DSG4: variants seen among roughly 807,000 people sequenced by gnomAD.
The protein encoded by DSG4 is desmoglein-4.
A neutral mutation model predicts 93.1 loss-of-function variants in DSG4; 87 were observed. The ratio of observed to expected loss-of-function variants is 0.93; its 90% confidence interval spans 0.79 to 1.12. DSG4 has a LOEUF of 1.12. Ranked by LOEUF, DSG4 falls within the 50% of genes most tolerant of loss-of-function variation. DSG4 has a pLI of 0.00. For synonymous variants in DSG4, 432 were observed against 452.9 expected (o/e 0.95, Z 0.59); for missense variants, 1,373 against 1,285.7 (o/e 1.07, Z -1.04).
At chr18:31,407,797 T>C (rs934493717) in intron 12 of DSG4, among the ~76,000 whole-genome samples, 2 of 152,202 alleles carry the variant, frequency 1.3e-5, no homozygotes, top group Admixed American at 6.5e-5. Flanking sequence ...AATTGAGTAG[T>C]GGTTTCGGGT....
intron 7 of DSG4, 146 bp downstream of exon 7, chr18:31,391,358 C>A: frequency 9.6e-7 from 1 of 1,042,378 alleles, no homozygotes. Flanking sequence ...TTTGGAATTT[C>A]TTATGTATAC....
chr18:31,406,198 C>T lies in DSG4; in HGVS notation c.1758C>T (p.Ala586=). 1 of 1,614,140 alleles carries T rather than the reference C, an allele frequency of 6.2e-7. No homozygotes were observed. Among genetic ancestry groups the T allele is most frequent in the Non-Finnish European group, 8.5e-7 (1 of 1,180,034 alleles). The change falls in exon 12 of 16, where the codon GCC becomes GCT. Residue 586 remains alanine, a synonymous_variant. Transcript: ENST00000308128. ...CELAQMVQLY[A]CDCDDNHMCL... is the part of the protein sequence containing the mutation. ...TGGCACAAATGGTGCAGTTATATGC[C>T]TGTGATTGCGATGACAACCACATGT...
At chr18:31,390,217 T>A (rs1366077282) in intron 5 of DSG4, among the ~76,000 whole-genome samples, 1 of 152,174 alleles carries the variant, frequency 6.6e-6, no homozygotes, top group Admixed American at 6.6e-5. Context: ...AAGTGGCAAT[T>A]AAGAATATAG....
At position 31,409,409 on chromosome 18, in the gene DSG4, C is replaced by T. The variant is rs367594794; in HGVS notation, c.1934-43C>T. The T allele has an allele frequency of 1.2e-4, 195 of 1,613,252 alleles. 1 individual carries two copies. In the African/African-American group the frequency reaches 2.2e-3, roughly 18 times the overall value. ...TGATTCATCCAGTGACTTCCTAAACCGAGCAATGTGTGTTAACTCGACATT... is the reference window on the plus strand; with the variant it reads ...TGATTCATCCAGTGACTTCCTAAACTGAGCAATGTGTGTTAACTCGACATT... On this transcript the variant is annotated intron_variant, in intron 12 of 15. Coordinates refer to ENST00000308128, the MANE Select transcript of DSG4 (RefSeq NM_177986.5).
At chr18:31,379,943 A>G (rs538069117) in intron 1 of DSG4, among the ~76,000 whole-genome samples, 1 of 152,338 alleles carries the variant, frequency 6.6e-6, no homozygotes, top group South Asian at 2.1e-4. Context: ...CTTATTACAG[A>G]AAGAATGTAC....
intron 11 of DSG4, among the ~76,000 whole-genome samples, chr18:31,405,569 T>A (rs1459150806): frequency 4.9e-5 from 7 of 143,548 alleles, no homozygotes; most frequent in Non-Finnish European, 1.1e-4. Context: ...TTATAAATGT[T>A]AAAAAAAAAA....
rs926866321 is a variant in DSG4, at chr18:31,414,463, T to A, written c.*868T>A. ...GAGCTTTCAATTGGCAACCAGATAT[T>A]CTCCAAAAGCACTCTGTAGTTATTC... On this transcript the variant is annotated 3_prime_UTR_variant, in exon 16 of 16. Coordinates refer to ENST00000308128, the MANE Select transcript of DSG4 (RefSeq NM_177986.5). The A allele has an allele frequency of 6.6e-6, 1 of 152,200 alleles. No individual in the cohort carries two copies. The highest frequency in any genetic ancestry group is 1.5e-5 in the Non-Finnish European group (1 of 68,028). 9.4% of individuals were successfully genotyped at this position (152,200 alleles called of 1,614,324 possible).
rs767429901 is a variant in DSG4, at chr18:31,388,316, A to G, written c.217-51A>G. The G allele has an allele frequency of 3.1e-6, 5 of 1,603,408 alleles. No individual in the cohort carries two copies. The South Asian group carries it at 5.5e-5, about 18-fold the overall frequency. On this transcript the variant is annotated intron_variant, in intron 3 of 15. Transcript: ENST00000308128. Reference sequence around the variant, plus strand: ...TCCCTTCTTATTCCACTACACTCTTAAGCATTATCTGCTCTAAACTGGATC... The same window carrying G: ...TCCCTTCTTATTCCACTACACTCTTGAGCATTATCTGCTCTAAACTGGATC...
chr18:31,413,068 A>G lies in DSG4; in HGVS notation c.2596A>G (p.Thr866Ala), dbSNP rs751968115. The change falls in exon 16 of 16, where the codon ACT (threonine) becomes GCT (alanine). Residue 866 changes from threonine to alanine, a missense_variant. Coordinates refer to ENST00000308128, the MANE Select transcript of DSG4 (RefSeq NM_177986.5). ...PSHQACIPIS[T>A]DLPLLGPNYF... ...ACACCAGGCTTGTATACCAATCAGT[A>G]CTGACCTCCCTTTGCTCGGACCTAA... 5.6e-6 allele frequency: 9 copies of G among 1,614,192 alleles called. No homozygotes were observed. Among genetic ancestry groups the G allele is most frequent in the Non-Finnish European group, 4.2e-6 (5 of 1,180,038 alleles).
Position 31,411,350 on chromosome 18 carries a change from T to G in DSG4, c.2257T>G (p.Ser753Ala). Residue 753 changes from serine to alanine, a missense_variant, in exon 15 of 16, where the codon TCA becomes GCA. Ser to Ala is a moderately conservative substitution (Grantham distance 99). Transcript: ENST00000308128. ...GLMAAGAAGASGAARKRSSTM... is the reference protein window; with the variant it reads ...GLMAAGAAGAAGAARKRSSTM... ...CATGGCCGCAGGGGCCGCAGGAGCC[T>G]CAGGGGCCGCAAGGAAGAGGAGCTC... The G allele has an allele frequency of 1.2e-6, 2 of 1,613,892 alleles. No homozygotes were observed. The highest frequency in any genetic ancestry group is 8.5e-7 in the Non-Finnish European group (1 of 1,179,990).
rs1397755671 is a variant in DSG4 at position 31,413,464 on chromosome 18, G to A, written c.2992G>A (p.Gly998Arg). ...TGTGATGAGCGGCAATATTTTAGTA[G>A]GGCCAGAAATTCAAGTGATGCAAAT... ...GPVMSGNILV[G>R]PEIQVMQMMS... Residue 998 changes from glycine (G) to arginine (R), a missense_variant, in exon 16 of 16, where the codon GGG becomes AGG. Transcript: ENST00000308128. 5.6e-6 allele frequency: 9 copies of A among 1,611,912 alleles called. No individual in the cohort carries two copies. Among genetic ancestry groups the A allele is most frequent in the Non-Finnish European group, 7.6e-6 (9 of 1,178,346 alleles).
At position 31,391,190 on chromosome 18, in the gene DSG4, TC is replaced by T. The variant is rs746430548; in HGVS notation, c.801del (p.Thr268ProfsTer2). The stretch of plus-strand genomic sequence containing the variant: ...AAGGTTTTAGACGTCAACGATAATT[TC>T]CCCACCTTAGAGAAAACTTCAGTAA... ...RIKVLDVNDN[F>X]PTLEKTSYSA... is the part of the protein sequence containing the mutation. On this transcript the variant is annotated frameshift_variant, in exon 7 of 16. Transcript: ENST00000308128. LOFTEE classifies it high-confidence loss of function. 25 of 1,613,538 alleles carry T rather than the reference TC, an allele frequency of 1.5e-5. No individual in the cohort carries two copies. The highest frequency in any genetic ancestry group is 1.8e-5 in the Non-Finnish European group (21 of 1,179,674).
chr18:31,409,613 A>G lies in DSG4; in HGVS notation c.2073+22A>G, dbSNP rs763820952. 15 of 1,614,254 alleles carry G rather than the reference A, an allele frequency of 9.3e-6. No individual in the cohort carries two copies. The Admixed American group carries it at 1.7e-4, about 18-fold the overall frequency. On this transcript the variant is annotated intron_variant, in intron 13 of 15. Transcript: ENST00000308128. ...CAGGGTAAGTGGACTGTCACTCTCC[A>G]GAGAAGTGTGGAGTTTCAGTGGAAA...
intron 5 of DSG4, among the ~76,000 whole-genome samples, chr18:31,389,923 C>T (rs1598739221): frequency 1.3e-5 from 2 of 152,096 alleles, no homozygotes; most frequent in African/African-American, 2.4e-5. Flanking sequence ...CATCAACACA[C>T]CTCAAAACAA....
rs1480998494 is a variant in DSG4 at position 31,390,808 on chromosome 18, T to A, written c.670T>A (p.Phe224Ile). ...TGGAGAAGTCTGCACCATGTCCAGTTTCTTGGACAGAGAGGTAAAGCCTTC... is the reference window on the plus strand; with the variant it reads ...TGGAGAAGTCTGCACCATGTCCAGTATCTTGGACAGAGAGGTAAAGCCTTC... ...YTGEVCTMSSFLDREQHSMYN... is the reference protein window; with the variant it reads ...YTGEVCTMSSILDREQHSMYN... The change falls in exon 6 of 16, where the codon TTC (phenylalanine) becomes ATC (isoleucine). Residue 224 changes from phenylalanine (F) to isoleucine (I), a missense_variant. Physicochemically the swap from Phe to Ile is conservative, Grantham distance 21. Coordinates refer to ENST00000308128, the MANE Select transcript of DSG4 (RefSeq NM_177986.5). 3 of 1,613,404 alleles carry A rather than the reference T, an allele frequency of 1.9e-6. No individual in the cohort carries two copies. In the African/African-American group the frequency reaches 4.0e-5, roughly 22 times the overall value.
At chr18:31,409,887 C>A in intron 14 of DSG4, 79 bp downstream of exon 14, 1 of 1,506,774 alleles carries the variant, frequency 6.6e-7, no homozygotes, top group South Asian at 1.1e-5. Flanking sequence ...GTAAAAGTAC[C>A]TTATGGAAAA....
rs777567076 is a variant in DSG4 at position 31,411,371 on chromosome 18, A to T, written c.2278A>T (p.Ser760Cys). 1 of 1,613,962 alleles carries T rather than the reference A, an allele frequency of 6.2e-7. No homozygotes were observed. Among genetic ancestry groups the T allele is most frequent in the Non-Finnish European group, 8.5e-7 (1 of 1,180,000 alleles). Residue 760 changes from serine to cysteine, a missense_variant, in exon 15 of 16, where the codon AGC becomes TGC. By Grantham distance (112) the Ser-to-Cys change is moderately radical. Coordinates refer to ENST00000308128, the MANE Select transcript of DSG4 (RefSeq NM_177986.5). ...AGASGAARKR[S>C]STMGTLRDYA... ...AGCCTCAGGGGCCGCAAGGAAGAGG[A>T]GCTCTACCATGGGAACCCTGCGGGA... is the stretch of plus-strand genomic sequence containing the variant.
chr18:31,386,179 G>A lies in DSG4; in HGVS notation c.85-509G>A, dbSNP rs552063808. On this transcript the variant is annotated intron_variant, in intron 2 of 15. Coordinates refer to ENST00000308128, the MANE Select transcript of DSG4 (RefSeq NM_177986.5). The stretch of plus-strand genomic sequence containing the variant: ...TTCTAATTCTGCAAAAATATACTTG[G>A]GTGCTTAGCCACAGTGGTGTCCTTA... Among the ~76,000 whole-genome samples, 9 of 152,058 alleles carry A rather than the reference G, an allele frequency of 5.9e-5. No homozygotes were observed. The East Asian group carries it at 1.7e-3, about 29-fold the overall frequency.
rs574365616 is a variant in DSG4, at chr18:31,405,419, TA to T, written c.1637-657del. Among the ~76,000 whole-genome samples the T allele has an allele frequency of 1.9e-4, 29 of 152,282 alleles. 1 individual carries two copies. In the South Asian group the frequency reaches 5.8e-3, roughly 31 times the overall value. Reference sequence around the variant, plus strand: ...CTTCTAATATTTTCTTTCAGCTCAATATTATTTATTCATTGGGCAAATATTT... The same window carrying T: ...CTTCTAATATTTTCTTTCAGCTCAATTTATTTATTCATTGGGCAAATATTT... On this transcript the variant is annotated intron_variant, in intron 11 of 15. Transcript: ENST00000308128.
Sources: allele counts gnomAD v4.1 joint callset (sites outside exome capture counted in the v4.1 genomes callset), GRCh38; gene constraint gnomAD v4.1.1; transcripts MANE v1.5; gene names NCBI Gene and HGNC (gene_info 2026-07-23, HGNC 2026-07-21).